The following CKAP5 variants were observed in gnomAD, a reference collection of about 807,000 sequenced individuals.
CKAP5 encodes cytoskeleton associated protein 5.
A neutral mutation model predicts 232.8 loss-of-function variants in CKAP5; 27 were observed. That is an observed-to-expected ratio of 0.12 (90% CI 0.09 to 0.16). The LOEUF is 0.16. Among genes scored for constraint, CKAP5 ranks in the 10% least tolerant of loss-of-function variants. CKAP5 has a pLI of 1.00. For synonymous variants in CKAP5, 785 were observed against 841.1 expected (o/e 0.93, Z 1.16); for missense variants, 1,838 against 2,424.7 (o/e 0.76, Z 5.08).
chr11:46,821,382 G>A (rs1939521417), intron 1 of CKAP5, 114 bp from the exon 2 acceptor site: 5 of 419,416 alleles, frequency 1.2e-5, no homozygotes, highest in Non-Finnish European at 2.1e-5. Flanking sequence ...TAAAAATCCC[G>A]TTCTTTCGTC....
intron 27 of CKAP5, among the ~76,000 whole-genome samples, chr11:46,765,584 C>T (rs1592442385): frequency 6.9e-6 from 1 of 145,066 alleles, no homozygotes; most frequent in African/African-American, 2.5e-5. Context: ...TTATAGCTTT[C>T]CATATTAATG....
chr11:46,762,563 A>T, intron 31 of CKAP5, 64 bp downstream of exon 31: 1 of 1,581,638 alleles, frequency 6.3e-7, no homozygotes, highest in Non-Finnish European at 8.7e-7. Context: ...TTCATCTATA[A>T]ACTATTTCTT....
chr11:46,820,969 C>A (rs1939510167), intron 2 of CKAP5: 1 of 529,076 alleles, frequency 1.9e-6, no homozygotes, highest in South Asian at 2.6e-5. Flanking sequence ...TCACTAATAT[C>A]TTTTCTTTGA....
intron 23 of CKAP5, among the ~76,000 whole-genome samples, chr11:46,776,965 C>T (rs1434663837): frequency 2.6e-5 from 4 of 152,004 alleles, no homozygotes; most frequent in Non-Finnish European, 5.9e-5. Flanking sequence ...TATGAAACTA[C>T]AAATATCTTG....
At chr11:46,828,732 A>G (rs965476147) in intron 1 of CKAP5, among the ~76,000 whole-genome samples, 9 of 152,180 alleles carry the variant, frequency 5.9e-5, no homozygotes, top group Non-Finnish European at 1.3e-4. Flanking sequence ...AAAATTAGAG[A>G]AAAAAATCTA....
chr11:46,780,337 A>G lies in CKAP5; in HGVS notation c.2308-18T>C, dbSNP rs1181294885. The G allele has an allele frequency of 4.5e-5, 73 of 1,613,880 alleles. No individual in the cohort carries two copies. Among genetic ancestry groups the G allele is most frequent in the Non-Finnish European group, 6.2e-5 (73 of 1,179,916 alleles). On this transcript the variant is annotated intron_variant, in intron 19 of 43. Coordinates refer to ENST00000529230, the MANE Select transcript of CKAP5 (RefSeq NM_001008938.4). ...CTCACAGCCTGCCAGACAGAAGAAA[A>G]ATAACTTTTTAAATCACAAAGATGG...
intron 11 of CKAP5, 42 bp from the exon 12 acceptor site, chr11:46,796,982 T>A (rs199882210): frequency 6.2e-7 from 1 of 1,605,362 alleles, no homozygotes. Flanking sequence ...ATGCAAGGTA[T>A]TTTAGGCATT....
At chr11:46,808,242 T>G in intron 7 of CKAP5, 98 bp from the exon 8 acceptor site, 1 of 863,200 alleles carries the variant, frequency 1.2e-6, no homozygotes, top group Non-Finnish European at 1.8e-6. Flanking sequence ...CATAATTTTT[T>G]TAAAAAATTA....
At chr11:46,759,558 C>A (rs1364957756) in intron 33 of CKAP5, 116 bp from the exon 34 acceptor site, 8 of 1,029,436 alleles carry the variant, frequency 7.8e-6, no homozygotes, top group Non-Finnish European at 9.6e-6. Flanking sequence ...CTGGTTTCAG[C>A]CCCCCTGAAT....
At chr11:46,827,985 T>C (rs945868821) in intron 1 of CKAP5, among the ~76,000 whole-genome samples, 5 of 152,178 alleles carry the variant, frequency 3.3e-5, no homozygotes, top group Non-Finnish European at 5.9e-5. Flanking sequence ...TTTAAGTCCA[T>C]ATTACTCCAC....
chr11:46,757,661 C>T (rs1170467265), intron 35 of CKAP5, among the ~76,000 whole-genome samples: 1 of 151,862 alleles, frequency 6.6e-6, no homozygotes, highest in Non-Finnish European at 1.5e-5. Flanking sequence ...GATTTCGGCT[C>T]ACTGCAACCT....
chr11:46,751,925 T>C (rs1376335656), intron 38 of CKAP5, among the ~76,000 whole-genome samples: 1 of 151,968 alleles, frequency 6.6e-6, no homozygotes, highest in Non-Finnish European at 1.5e-5. Context: ...AGTATTACAA[T>C]GTTATAAATA....
In CKAP5 at chr11:46,759,019, G is replaced by T. The variant is rs117725720; in HGVS notation, c.4593C>A (p.Phe1531Leu). The change falls in exon 35 of 44, where the codon TTC becomes TTA. Residue 1531 changes from phenylalanine (F) to leucine (L), a missense_variant. Around this residue, in one of 6 missense-constraint regions of CKAP5, gnomAD observed 579 missense variants for 843.2 expected, o/e 0.69. Transcript: ENST00000529230. ...EPKIRAVSPH[F>L]DDMHSNTAST... ...ATGCTGTATTACTGTGCATGTCATC[G>T]AAGTGTGGAGAAACAGCCCGGATCC... 2 of 1,612,882 alleles carry T rather than the reference G, an allele frequency of 1.2e-6. No homozygotes were observed. The highest frequency in any genetic ancestry group is 2.2e-5 in the South Asian group (2 of 91,014).
intron 40 of CKAP5, 99 bp from the exon 41 acceptor site, chr11:46,750,710 C>CT: frequency 1.1e-6 from 1 of 917,998 alleles, no homozygotes; most frequent in Admixed American, 2.2e-5. Context: ...AAATCTGGGC[C>CT]TTATTGGTAT....
intron 42 of CKAP5, among the ~76,000 whole-genome samples, chr11:46,749,806 C>T (rs1239320645): frequency 6.6e-6 from 1 of 151,766 alleles, no homozygotes; most frequent in Non-Finnish European, 1.5e-5. Flanking sequence ...AAAAAATTAG[C>T]CTGGCGTGGT....
chr11:46,760,563 AG>A (rs775703931), intron 33 of CKAP5, 48 bp downstream of exon 33: 11 of 1,581,412 alleles, frequency 7.0e-6, no homozygotes. Context: ...TGAGCACACA[AG>A]GCAAAGGCCA....
chr11:46,805,178 T>C (rs1339587342), intron 8 of CKAP5, among the ~76,000 whole-genome samples: 1 of 151,992 alleles, frequency 6.6e-6, no homozygotes, highest in African/African-American at 2.4e-5. Flanking sequence ...GAGGTTGCAG[T>C]GAGCTGAGAT....
rs1299522708 is a variant in CKAP5, at chr11:46,816,339, T to C, written c.317A>G (p.Lys106Arg). 3 of 1,614,032 alleles carry C rather than the reference T, an allele frequency of 1.9e-6. No homozygotes were observed. Among genetic ancestry groups the C allele is most frequent in the African/African-American group, 1.3e-5 (1 of 74,908 alleles). Residue 106 changes from lysine (K) to arginine (R), a missense_variant, in exon 4 of 44, where the codon AAG (lysine) becomes AGG (arginine). Lys to Arg is a conservative substitution (Grantham distance 26). Coordinates refer to ENST00000529230, the MANE Select transcript of CKAP5 (RefSeq NM_001008938.4). ...KVFNQPKAKA[K>R]ELGIEICLMY... ...AAGACAGATCTCTATGCCCAGCTCC[T>C]TGGCTTTAGCTTTAGGTTGATTGAA...
intron 20 of CKAP5, among the ~76,000 whole-genome samples, chr11:46,779,326 T>C (rs1017811603): frequency 8.6e-5 from 13 of 152,036 alleles, no homozygotes; most frequent in Admixed American, 6.6e-4. Flanking sequence ...AGAGATGGAG[T>C]TTTGCCATGT....
Sources: allele counts gnomAD v4.1 joint callset (sites outside exome capture counted in the v4.1 genomes callset), GRCh38; gene constraint gnomAD v4.1.1; regional missense constraint gnomAD v4.1.1; transcripts MANE v1.5; gene names NCBI Gene and HGNC (gene_info 2026-07-23, HGNC 2026-07-21).